Variants in HIF1A observed in about 807,000 individuals in gnomAD.
HIF1A encodes hypoxia-inducible factor 1-alpha.
Under a neutral mutation model 92.7 loss-of-function variants are expected in HIF1A, and 24 were observed. The observed-to-expected ratio is 0.26, with a 90% CI of 0.19 to 0.36. The LOEUF is 0.36. Among genes scored for constraint, HIF1A ranks in the 10% least tolerant of loss-of-function variants. The pLI, the probability that HIF1A is intolerant of heterozygous loss-of-function variation, is 1.00. For synonymous variants in HIF1A, 319 were observed against 338.7 expected (o/e 0.94, Z 0.64); for missense variants, 799 against 998.5 (o/e 0.80, Z 2.69).
chr14:61,728,204 T>TC (rs1398646590), intron 6 of HIF1A, among the ~76,000 whole-genome samples: 4 of 152,126 alleles, frequency 2.6e-5, no homozygotes, highest in Non-Finnish European at 4.4e-5. Flanking sequence ...AGTCTTTTTT[T>TC]CCCCAATAGG....
chr14:61,734,379 T>C (rs971835635), intron 8 of HIF1A, 94 bp downstream of exon 8: 5 of 828,288 alleles, frequency 6.0e-6, no homozygotes, highest in Non-Finnish European at 9.1e-6. Flanking sequence ...ATAATAAATA[T>C]TAACTAAATT....
chr14:61,746,802 G>GT, intron 14 of HIF1A, 132 bp from the exon 15 acceptor site: 1 of 615,724 alleles, frequency 1.6e-6, no homozygotes, highest in Non-Finnish European at 2.8e-6. Flanking sequence ...CATAGTTGTG[G>GT]TTTTGCCAGG....
intron 6 of HIF1A, among the ~76,000 whole-genome samples, chr14:61,729,209 C>G (rs2044543921): frequency 6.6e-6 from 1 of 152,072 alleles, no homozygotes; most frequent in Non-Finnish European, 1.5e-5. Flanking sequence ...TGCCTATAAT[C>G]CTAGCACTGT....
chr14:61,731,182 CA>C (rs2044571294), intron 6 of HIF1A, among the ~76,000 whole-genome samples: 1 of 151,612 alleles, frequency 6.6e-6, no homozygotes, highest in Non-Finnish European at 1.5e-5. Flanking sequence ...TTTTTTGACA[CA>C]CAGCATGTTA....
intron 8 of HIF1A, among the ~76,000 whole-genome samples, chr14:61,735,985 C>CT (rs1416960339): frequency 1.1e-4 from 3 of 26,522 alleles, no homozygotes; most frequent in Non-Finnish European, 2.6e-4. Context: ...ATCTGAAATT[C>CT]TTTTTTTCTT....
intron 10 of HIF1A, 122 bp from the exon 11 acceptor site, chr14:61,740,383 T>C (rs183906895): frequency 1.3e-4 from 95 of 734,506 alleles, no homozygotes; most frequent in East Asian, 1.2e-3. Context: ...TAAAATTTGA[T>C]AAACACGATG....
intron 1 of HIF1A, among the ~76,000 whole-genome samples, chr14:61,718,095 C>A (rs527253228): frequency 5.2e-4 from 79 of 151,026 alleles, no homozygotes; most frequent in African/African-American, 1.8e-3. Flanking sequence ...TTTGGGTAGT[C>A]ATTTATTGGT....
In HIF1A at chr14:61,727,804, TG is replaced by T. The variant is rs1450573638; in HGVS notation, c.773+151del. 48 of 636,066 alleles carry T rather than the reference TG, an allele frequency of 7.5e-5. No individual in the cohort carries two copies. The South Asian group carries it at 8.5e-4, about 11-fold the overall frequency. 39.4% of individuals were successfully genotyped at this position (636,066 alleles called of 1,614,324 possible). On this transcript the variant is annotated intron_variant, in intron 6 of 14. Transcript: ENST00000337138. ...TTGGAAGGCTGAGGCAAGCGGGGGG[TG>T]GATCATCTGAGGTCAGGAGATTGAG...
At chr14:61,702,273 C>CAAAAA (rs34312928) in intron 1 of HIF1A, among the ~76,000 whole-genome samples, 3 of 101,964 alleles carry the variant, frequency 2.9e-5, no homozygotes, top group Admixed American at 1.1e-4. Flanking sequence ...ACTAAAAATA[C>CAAAAA]AAAAAAAAAA....
chr14:61,715,135 A>G (rs919990224), intron 1 of HIF1A, among the ~76,000 whole-genome samples: 1 of 152,236 alleles, frequency 6.6e-6, no homozygotes, highest in Non-Finnish European at 1.5e-5. Flanking sequence ...CTCTGTACAA[A>G]TAAAGTCTAC....
At chr14:61,729,499 G>A (rs1368236883) in intron 6 of HIF1A, among the ~76,000 whole-genome samples, 1 of 151,460 alleles carries the variant, frequency 6.6e-6, no homozygotes, top group African/African-American at 2.4e-5. Context: ...ACCTCAGAAG[G>A]ATGTTGTCAG....
At position 61,708,103 on chromosome 14, in the gene HIF1A, G is replaced by T. The variant is rs149391746; in HGVS notation, c.35+12264G>T. On this transcript the variant is annotated intron_variant, in intron 1 of 14. Transcript: ENST00000337138. Reference sequence around the variant, plus strand: ...TGTGTCTTTTGGCAGCATAAATGTCGTCTTTTGAGAAGTGTCTGTTCATAT... The same window carrying T: ...TGTGTCTTTTGGCAGCATAAATGTCTTCTTTTGAGAAGTGTCTGTTCATAT... Among the ~76,000 whole-genome samples the T allele has an allele frequency of 3.5e-4, 54 of 152,274 alleles. 1 individual carries two copies. Among genetic ancestry groups the T allele is most frequent in the Middle Eastern group, 6.8e-3 (2 of 294 alleles).
intron 1 of HIF1A, among the ~76,000 whole-genome samples, chr14:61,711,299 G>A (rs994124200): frequency 1.5e-4 from 22 of 148,398 alleles, no homozygotes; most frequent in African/African-American, 5.3e-4. Context: ...TGAACTCCTG[G>A]GCTCAAATAA....
chr14:61,721,498 G>T lies in HIF1A; in HGVS notation c.227-11G>T. 1 of 1,605,062 alleles carries T rather than the reference G, an allele frequency of 6.2e-7. No homozygotes were observed. Among genetic ancestry groups the T allele is most frequent in the Non-Finnish European group, 8.5e-7 (1 of 1,174,284 alleles). The stretch of plus-strand genomic sequence containing the variant: ...TAACTAATTATTTTCCTCTTCTTGT[G>T]CCCTTTTTAGGTGATTTGGATATTG... On this transcript the variant is annotated splice_polypyrimidine_tract_variant and intron_variant, in intron 2 of 14. Coordinates refer to ENST00000337138, the MANE Select transcript of HIF1A (RefSeq NM_001530.4).
At chr14:61,698,139 C>A (rs2044137182) in intron 1 of HIF1A, among the ~76,000 whole-genome samples, 1 of 152,198 alleles carries the variant, frequency 6.6e-6, no homozygotes, top group African/African-American at 2.4e-5. Flanking sequence ...CAAATAATTA[C>A]TGAATCATTA....
intron 1 of HIF1A, among the ~76,000 whole-genome samples, chr14:61,713,975 C>T (rs1027322735): frequency 6.6e-6 from 1 of 152,176 alleles, no homozygotes; most frequent in Admixed American, 6.5e-5. Context: ...GATAGGGTTG[C>T]AGAAGTTGTC....
intron 1 of HIF1A, among the ~76,000 whole-genome samples, chr14:61,718,722 G>GTTCATATAACTAGTTATAGTTCATATAGA (rs2044391439): frequency 6.6e-6 from 1 of 152,066 alleles, no homozygotes. Context: ...GAAAATCCTA[G>GTTCATATAACTAGTTATAGTTCATATAGA]TTCATATAAC....
chr14:61,697,896 AAAG>A, intron 1 of HIF1A: 1 of 1,524,812 alleles, frequency 6.6e-7, no homozygotes, highest in Non-Finnish European at 8.7e-7. Flanking sequence ...TGTCTTTTTA[AAAG>A]AAGGTCTAGG....
intron 1 of HIF1A, among the ~76,000 whole-genome samples, chr14:61,702,034 G>A (rs1191782814): frequency 6.6e-6 from 1 of 152,050 alleles, no homozygotes; most frequent in Non-Finnish European, 1.5e-5. Context: ...GGTACGTGGT[G>A]TACACAGTGA....
Sources: allele counts gnomAD v4.1 joint callset (sites outside exome capture counted in the v4.1 genomes callset), GRCh38; gene constraint gnomAD v4.1.1; transcripts MANE v1.5; gene names NCBI Gene and HGNC (gene_info 2026-07-23, HGNC 2026-07-21).